The following DCT variants were observed in gnomAD, a reference collection of about 807,000 sequenced individuals.
DCT encodes dopachrome tautomerase, also known as L-dopachrome tautomerase.
In DCT, 47 loss-of-function variants were observed where a neutral mutation model predicts 53.0. The ratio of observed to expected loss-of-function variants is 0.89; its 90% CI spans 0.70 to 1.13. The LOEUF (loss-of-function observed/expected upper bound fraction) is 1.13. Ranked by LOEUF, DCT falls within the 50% of genes most tolerant of loss-of-function variation. The pLI is 0.00. For missense variants in DCT, 669 were observed against 637.4 expected (o/e 1.05, Z -0.53); for synonymous variants, 244 against 237.0 (o/e 1.03, Z -0.27).
the DCT span, among the ~76,000 whole-genome samples, chr13:94,506,032 C>T: frequency 3.3e-5 from 5 of 152,286 alleles, no homozygotes; most frequent in African/African-American, 1.2e-4. Flanking sequence ...ATTCCTGATC[C>T]ACAGAAACTG....
chr13:94,474,099 T>C (rs7336669), intron 1 of DCT, among the ~76,000 whole-genome samples: 56,502 of 152,066 alleles, frequency 0.37, 10,844 homozygotes, highest in Non-Finnish European at 0.4. Context: ...AGAAGAGAAG[T>C]GTTTTAGAAA....
upstream of DCT, chr13:94,479,708 T>C (rs549892936): frequency 6.3e-6 from 1 of 157,920 alleles, no homozygotes; most frequent in African/African-American, 2.4e-5. Flanking sequence ...GTGCTGCTTT[T>C]ATTCTCTCTG....
At chr13:94,502,700 C>T in the DCT span, among the ~76,000 whole-genome samples, 1 of 152,090 alleles carries the variant, frequency 6.6e-6, no homozygotes, top group African/African-American at 2.4e-5. Context: ...TCCTTGTGTC[C>T]TCCTTTTTTT....
chr13:94,512,433 T>G, the DCT span, among the ~76,000 whole-genome samples: 4 of 152,078 alleles, frequency 2.6e-5, no homozygotes, highest in African/African-American at 7.2e-5. Context: ...AGAAAGACAT[T>G]CAAATAACTT....
chr13:94,511,318 C>T, the DCT span, among the ~76,000 whole-genome samples: 1 of 151,702 alleles, frequency 6.6e-6, no homozygotes, highest in Admixed American at 6.6e-5. Flanking sequence ...TCCTGGAAGG[C>T]TGTTCGTGTT....
intron 1 of DCT, among the ~76,000 whole-genome samples, chr13:94,478,615 G>A (rs992172468): frequency 2.6e-5 from 4 of 152,228 alleles, no homozygotes; most frequent in Non-Finnish European, 5.9e-5. Flanking sequence ...TCAGGAGAGG[G>A]CACCGAATCC....
At chr13:94,510,505 C>T in the DCT span, among the ~76,000 whole-genome samples, 3 of 152,126 alleles carry the variant, frequency 2.0e-5, no homozygotes, top group African/African-American at 7.2e-5. Flanking sequence ...GTGACTCATT[C>T]TTAATTTTCA....
At chr13:94,488,723 T>C in the DCT span, among the ~76,000 whole-genome samples, 45 of 139,232 alleles carry the variant, frequency 3.2e-4, no homozygotes, top group East Asian at 1.9e-3. Flanking sequence ...GTCTAATATA[T>C]ACACACACAC....
chr13:94,444,386 A>G (rs988665403), intron 6 of DCT: 5 of 517,698 alleles, frequency 9.7e-6, no homozygotes, highest in Non-Finnish European at 1.5e-5. Context: ...CTGTCTACTC[A>G]TTTCATAAAC....
intron 6 of DCT, among the ~76,000 whole-genome samples, chr13:94,451,497 C>T (rs1248745071): frequency 6.6e-6 from 1 of 152,180 alleles, no homozygotes; most frequent in Non-Finnish European, 1.5e-5. Flanking sequence ...TAAATCTCTG[C>T]TCAGCCATTT....
At chr13:94,494,004 A>T in the DCT span, among the ~76,000 whole-genome samples, 47 of 152,302 alleles carry the variant, frequency 3.1e-4, no homozygotes, top group African/African-American at 1.1e-3. Flanking sequence ...TGCTCTAAAG[A>T]ATAAAGGCTA....
At chr13:94,547,449 G>A in the DCT span, among the ~76,000 whole-genome samples, 6 of 151,884 alleles carry the variant, frequency 4.0e-5, no homozygotes, top group African/African-American at 1.2e-4. Flanking sequence ...TTTCACTCCC[G>A]CTGTAAAACT....
intron 6 of DCT, among the ~76,000 whole-genome samples, chr13:94,453,170 G>T (rs1883204729): frequency 6.6e-6 from 1 of 152,000 alleles, no homozygotes; most frequent in Non-Finnish European, 1.5e-5. Flanking sequence ...GTATACAGAA[G>T]GATGTGCGTA....
chr13:94,530,638 C>A, the DCT span, among the ~76,000 whole-genome samples: 1 of 152,102 alleles, frequency 6.6e-6, no homozygotes, highest in African/African-American at 2.4e-5. Context: ...TGGAATGTAT[C>A]TCAAAATAAT....
the DCT span, among the ~76,000 whole-genome samples, chr13:94,499,587 C>T: frequency 6.6e-6 from 1 of 151,998 alleles, no homozygotes; most frequent in South Asian, 2.1e-4. Context: ...ATTAGATGGC[C>T]TAATTTTAAA....
At chr13:94,501,200 C>G in the DCT span, among the ~76,000 whole-genome samples, 1 of 152,032 alleles carries the variant, frequency 6.6e-6, no homozygotes, top group Non-Finnish European at 1.5e-5. Context: ...ACCCGGGAGG[C>G]GGAGCTTGCA....
intron 6 of DCT, among the ~76,000 whole-genome samples, chr13:94,459,667 G>T (rs1883650926): frequency 6.6e-6 from 1 of 152,240 alleles, no homozygotes; most frequent in South Asian, 2.1e-4. Context: ...ACTCAAGTTG[G>T]AGTAGGAGGT....
At chr13:94,520,981 A>G in the DCT span, among the ~76,000 whole-genome samples, 1,824 of 152,342 alleles carry the variant, frequency 0.012, 118 homozygotes, top group Admixed American at 0.11. Context: ...AGATATTTCA[A>G]TGGAGGCTGT....
At chr13:94,510,306 C>G in the DCT span, among the ~76,000 whole-genome samples, 1 of 152,062 alleles carries the variant, frequency 6.6e-6, no homozygotes, top group African/African-American at 2.4e-5. Flanking sequence ...TTTAAACCAC[C>G]CTCCTACCAC....
Sources: allele counts gnomAD v4.1 joint callset (sites outside exome capture counted in the v4.1 genomes callset), GRCh38; gene constraint gnomAD v4.1.1; transcripts MANE v1.5; gene names NCBI Gene and HGNC (gene_info 2026-07-23, HGNC 2026-07-21).